The following MRPL48 variants were observed in gnomAD, a reference collection of about 807,000 sequenced individuals.
MRPL48 encodes the protein large ribosomal subunit protein mL48.
In MRPL48, 16 loss-of-function variants were observed where a neutral mutation model predicts 32.9. The observed-to-expected ratio is 0.49, with a 90% CI of 0.33 to 0.74. The LOEUF is 0.74. Among genes scored for constraint, MRPL48 ranks in the 30% least tolerant of loss-of-function variants. MRPL48 has a pLI of 0.02. For missense variants in MRPL48, 206 were observed against 245.3 expected (o/e 0.84, Z 1.07); for synonymous variants, 94 against 89.2 (o/e 1.05, Z -0.31).
At chr11:73,792,246 C>T (rs534794840) in intron 1 of MRPL48, among the ~76,000 whole-genome samples, 3 of 152,256 alleles carry the variant, frequency 2.0e-5, no homozygotes, top group African/African-American at 7.2e-5. Context: ...AGTTAGAATG[C>T]ACCAAGGAAA....
chr11:73,836,454 C>T (rs959404956), intron 4 of MRPL48, among the ~76,000 whole-genome samples: 3 of 152,180 alleles, frequency 2.0e-5, no homozygotes, highest in Non-Finnish European at 4.4e-5. Context: ...CCACCTCACC[C>T]TTCTAAAGTG....
chr11:73,844,835 T>G lies in MRPL48; in HGVS notation c.230T>G (p.Val77Gly). The G allele has an allele frequency of 6.2e-7, 1 of 1,613,610 alleles. No individual in the cohort carries two copies. The highest frequency in any genetic ancestry group is 8.5e-7 in the Non-Finnish European group (1 of 1,179,786). ...AAGAAGAAGAAGGGAAAAGTGGAAG[T>G]GAGAGCCATTAATTTGGGGACAGAT... ...EPKKKKGKVE[V>G]RAINLGTDYE... Residue 77 changes from valine (V) to glycine (G), a missense_variant, in exon 5 of 8, where the codon GTG becomes GGG. Coordinates refer to ENST00000310614, the MANE Select transcript of MRPL48 (RefSeq NM_016055.6).
At chr11:73,800,881 G>A (rs1036115227) in intron 1 of MRPL48, among the ~76,000 whole-genome samples, 16 of 146,462 alleles carry the variant, frequency 1.1e-4, no homozygotes, top group African/African-American at 3.8e-4. Context: ...GCGTGATCTC[G>A]GCTCACAGCA....
chr11:73,857,307 T>G (rs1948499300), intron 5 of MRPL48, among the ~76,000 whole-genome samples: 1 of 152,016 alleles, frequency 6.6e-6, no homozygotes, highest in Non-Finnish European at 1.5e-5. Context: ...ATTTTTTGTA[T>G]TTTTAGTAGA....
At chr11:73,842,467 G>GTTATTTAT (rs913812313) in intron 4 of MRPL48, 1 of 151,878 alleles carries the variant, frequency 6.6e-6, no homozygotes, top group South Asian at 2.1e-4. Context: ...TAAAGAAGTG[G>GTTATTTAT]TTATTTATTT....
chr11:73,830,908 C>T (rs1302698179), intron 4 of MRPL48, among the ~76,000 whole-genome samples: 7 of 151,630 alleles, frequency 4.6e-5, no homozygotes, highest in African/African-American at 1.7e-4. Flanking sequence ...GGTGCCATCT[C>T]GGCTCACTGT....
At chr11:73,801,885 C>T (rs1249007849) in intron 1 of MRPL48, among the ~76,000 whole-genome samples, 3 of 152,186 alleles carry the variant, frequency 2.0e-5, no homozygotes, top group African/African-American at 7.2e-5. Context: ...CATTTATTCA[C>T]TTCTTTCTAA....
chr11:73,854,249 C>T (rs529811977), intron 5 of MRPL48, among the ~76,000 whole-genome samples: 2 of 152,272 alleles, frequency 1.3e-5, no homozygotes, highest in South Asian at 2.1e-4. Context: ...GGTGTGTTCA[C>T]ATAAGATTAG....
rs962444414 is a variant in MRPL48 at position 73,864,434 on chromosome 11, GTAGT to G, written c.*68_*71del. ...AGTGCCAAAGAGAAGAGCTTACTGG[GTAGT>G]TAGAGTTCATCAGGAGACCCAACCC... is the stretch of plus-strand genomic sequence containing the variant. On this transcript the variant is annotated 3_prime_UTR_variant, in exon 8 of 8. Transcript: ENST00000310614. 2.5e-5 allele frequency: 38 copies of G among 1,528,542 alleles called. No individual in the cohort carries two copies. In the African/African-American group the frequency reaches 5.1e-4, roughly 20 times the overall value. The allele number at this position is 1,528,542 out of a possible 1,614,324, so 94.7% of individuals were successfully genotyped here. A position where few individuals can be genotyped will look rare whatever the true frequency, so the allele number is the denominator to read the frequency against.
chr11:73,828,512 T>G (rs1947940761), intron 4 of MRPL48, among the ~76,000 whole-genome samples: 1 of 152,118 alleles, frequency 6.6e-6, no homozygotes, highest in South Asian at 2.1e-4. Flanking sequence ...AGAGATGAGC[T>G]ACCATGCCTG....
chr11:73,805,767 T>C (rs1020454558), intron 2 of MRPL48, among the ~76,000 whole-genome samples: 1 of 151,696 alleles, frequency 6.6e-6, no homozygotes, highest in Non-Finnish European at 1.5e-5. Context: ...CAAGTGGTTC[T>C]TCTACCTCAG....
chr11:73,824,723 A>G (rs1455811482), intron 3 of MRPL48, among the ~76,000 whole-genome samples: 1 of 151,860 alleles, frequency 6.6e-6, no homozygotes, highest in Non-Finnish European at 1.5e-5. Flanking sequence ...TTTTCAAAAG[A>G]AAAAAAGAAA....
rs868841625 is a variant in MRPL48, at chr11:73,863,177, C to T, written c.480C>T (p.Ser160=). The T allele has an allele frequency of 2.1e-5, 33 of 1,580,808 alleles. No homozygotes were observed. The highest frequency in any genetic ancestry group is 6.9e-5 in the East Asian group (3 of 43,724). The part of the protein sequence containing the change: ...LTTHERVVQI[S]GLSATFAEIF... ...CACCTTCTTTCATTTTGCAGATCAG[C>T]GGTTTGAGTGCTACGTTTGCAGAAA... The change falls in exon 7 of 8, where the codon AGC becomes AGT. Residue 160 remains serine (S), a synonymous_variant. Transcript: ENST00000310614.
rs1948254663 is a variant in MRPL48 at position 73,844,712 on chromosome 11, TA to T, written c.202-94del. On this transcript the variant is annotated intron_variant, in intron 4 of 7. Coordinates refer to ENST00000310614, the MANE Select transcript of MRPL48 (RefSeq NM_016055.6). ...CCTGAGAGCAAAATGTGAACAAATT[TA>T]TTAGAAAGATTGACTTTTTAAAATA... 3 of 1,388,638 alleles carry T rather than the reference TA, an allele frequency of 2.2e-6. No homozygotes were observed. The East Asian group carries it at 7.6e-5, about 35-fold the overall frequency. The allele number at this position is 1,388,638 out of a possible 1,614,324, so 86.0% of individuals were successfully genotyped here. A position where few individuals can be genotyped will look rare whatever the true frequency, so the allele number is the denominator to read the frequency against.
intron 1 of MRPL48, among the ~76,000 whole-genome samples, chr11:73,798,497 A>G (rs921458392): frequency 1.3e-5 from 2 of 152,278 alleles, no homozygotes; most frequent in East Asian, 3.9e-4. Context: ...CAAGAACTGA[A>G]CTTACTTTGT....
At chr11:73,793,911 G>C (rs1947197904) in intron 1 of MRPL48, among the ~76,000 whole-genome samples, 1 of 127,110 alleles carries the variant, frequency 7.9e-6, no homozygotes, top group African/African-American at 3.0e-5. Context: ...TCGCTATATT[G>C]CCCAGGCAGG....
Position 73,790,374 on chromosome 11 carries a change from C to CTTT in MRPL48, c.21+2408_21+2410dup, listed in dbSNP as rs759628609. On this transcript the variant is annotated intron_variant, in intron 1 of 7. Coordinates refer to ENST00000310614, the MANE Select transcript of MRPL48 (RefSeq NM_016055.6). ...ACAGGTGTGAGCCACCGCACCCGGC[C>CTTT]TTTTTTTTTTTTTTTTTTTTTTTTT... Among the ~76,000 whole-genome samples, 546 of 58,024 alleles carry CTTT rather than the reference C, an allele frequency of 9.4e-3. 145 individuals are homozygous for CTTT. Among genetic ancestry groups the CTTT allele is most frequent in the African/African-American group, 0.028 (291 of 10,260 alleles). The allele number at this position is 58,024 out of a possible 152,430, so 38.1% of individuals were successfully genotyped here.
intron 4 of MRPL48, among the ~76,000 whole-genome samples, chr11:73,833,427 A>G (rs1948032089): frequency 6.6e-6 from 1 of 152,046 alleles, no homozygotes; most frequent in East Asian, 1.9e-4. Context: ...AATAATAGTA[A>G]TGACCCTTTT....
chr11:73,844,148 A>G (rs1046072415), intron 4 of MRPL48, among the ~76,000 whole-genome samples: 1 of 151,572 alleles, frequency 6.6e-6, no homozygotes, highest in Non-Finnish European at 1.5e-5. Context: ...ATTTTAATCT[A>G]GGCTAGGTGT....
Sources: gnomAD v4.1 joint callset for allele counts (sites outside exome capture counted in the v4.1 genomes callset) on GRCh38, gnomAD v4.1.1 for gene constraint, MANE v1.5 for transcripts, NCBI Gene and HGNC (gene_info 2026-07-23, HGNC 2026-07-21) for gene names.